Variants in LYRM4 observed in about 807,000 individuals in gnomAD.
LYRM4 encodes LYR motif-containing protein 4.
LYRM4 carries 9 observed loss-of-function variants against 11.7 expected under a neutral mutation model. The observed-to-expected ratio is 0.77, with a 90% confidence interval of 0.46 to 1.34. The LOEUF (loss-of-function observed/expected upper bound fraction) is 1.34, where lower values mean the gene tolerates loss of function less well. Among genes scored for constraint, LYRM4 ranks in the 40% most tolerant of loss-of-function variants. The pLI, the probability that LYRM4 is intolerant of heterozygous loss-of-function variation, is 0.00. For synonymous variants in LYRM4, 42 were observed against 40.4 expected (o/e 1.04, Z -0.15); for missense variants, 133 against 112.5 (o/e 1.18, Z -0.82).
At chr6:5,242,323 C>T (rs978832537) in intron 1 of LYRM4, among the ~76,000 whole-genome samples, 23 of 151,808 alleles carry the variant, frequency 1.5e-4, no homozygotes, top group Non-Finnish European at 2.9e-4. Context: ...CTGCCCGCCT[C>T]GGCCTCCCCA....
At chr6:5,147,298 G>C (rs1258718149) in intron 2 of LYRM4, among the ~76,000 whole-genome samples, 4 of 152,128 alleles carry the variant, frequency 2.6e-5, no homozygotes, top group Non-Finnish European at 5.9e-5. Context: ...GCAGTTTAAT[G>C]ACTCCAGGAA....
At chr6:5,197,412 G>A (rs1375852956) in intron 2 of LYRM4, among the ~76,000 whole-genome samples, 2 of 152,222 alleles carry the variant, frequency 1.3e-5, no homozygotes, top group South Asian at 2.1e-4. Context: ...GGTGGCTCAT[G>A]CCTGTAATCC....
the LYRM4 span, among the ~76,000 whole-genome samples, chr6:5,078,077 A>G: frequency 6.6e-6 from 1 of 152,262 alleles, no homozygotes; most frequent in East Asian, 1.9e-4. Flanking sequence ...TATGCAAATC[A>G]TGTTAAAGTC....
chr6:5,163,357 G>C (rs77235148), intron 2 of LYRM4, among the ~76,000 whole-genome samples: 2,487 of 152,234 alleles, frequency 0.016, 71 homozygotes, highest in African/African-American at 0.057. Context: ...GACATAATCA[G>C]GTGACTGTAT....
intron 1 of LYRM4, among the ~76,000 whole-genome samples, chr6:5,223,633 A>C (rs1396241585): frequency 6.6e-6 from 1 of 152,232 alleles, no homozygotes; most frequent in African/African-American, 2.4e-5. Flanking sequence ...CTCTGCTTCA[A>C]GTGTTCCTAT....
chr6:5,076,725 G>C, the LYRM4 span, among the ~76,000 whole-genome samples: 1 of 152,190 alleles, frequency 6.6e-6, no homozygotes, highest in Non-Finnish European at 1.5e-5. Flanking sequence ...TGAGGGTGGG[G>C]ATCATGGATG....
At chr6:5,085,194 G>A in the LYRM4 span, 3 of 417,892 alleles carry the variant, frequency 7.2e-6, no homozygotes, top group African/African-American at 6.3e-5. Flanking sequence ...CCCAGCGGCC[G>A]CGCCTCCCCG....
At chr6:5,169,437 C>A (rs182419367) in intron 2 of LYRM4, among the ~76,000 whole-genome samples, 1 of 152,120 alleles carries the variant, frequency 6.6e-6, no homozygotes, top group Non-Finnish European at 1.5e-5. Context: ...GGAATTACAA[C>A]GGGACTTTAA....
intron 2 of LYRM4, among the ~76,000 whole-genome samples, chr6:5,197,439 C>T (rs576590323): frequency 6.6e-5 from 10 of 151,706 alleles, no homozygotes; most frequent in Non-Finnish European, 1.5e-4. Flanking sequence ...TTTGGGAGGC[C>T]GAGGCCTGTG....
intron 2 of LYRM4, among the ~76,000 whole-genome samples, chr6:5,150,962 A>G (rs1028661655): frequency 8.5e-5 from 13 of 152,082 alleles, no homozygotes; most frequent in Admixed American, 1.3e-4. Context: ...TCAAGCCCCT[A>G]TCAGCTTATT....
At chr6:5,046,188 C>T in the LYRM4 span, among the ~76,000 whole-genome samples, 3 of 152,050 alleles carry the variant, frequency 2.0e-5, no homozygotes, top group South Asian at 2.1e-4. Flanking sequence ...ACTCCGTTTC[C>T]CACGCTGCAG....
downstream of LYRM4, chr6:5,103,628 A>ATTT (rs1491437052): frequency 3.0e-5 from 3 of 98,622 alleles, no homozygotes; most frequent in Admixed American, 1.3e-4. Context: ...AATATCTGAG[A>ATTT]TATTTTTTTT....
chr6:5,131,142 G>C (rs1295124816), intron 2 of LYRM4, among the ~76,000 whole-genome samples: 1 of 152,084 alleles, frequency 6.6e-6, no homozygotes, highest in Non-Finnish European at 1.5e-5. Flanking sequence ...ATTTGACAAG[G>C]CAGAATTGAG....
intron 2 of LYRM4, among the ~76,000 whole-genome samples, chr6:5,171,022 A>C (rs116535734): frequency 0.013 from 2,051 of 152,338 alleles, 39 homozygotes; most frequent in African/African-American, 0.044. Flanking sequence ...ATTAGGAAAT[A>C]ATAAAAGTAA....
intron 1 of LYRM4, 61 bp downstream of exon 1, chr6:5,260,587 C>A: frequency 7.7e-7 from 1 of 1,303,692 alleles, no homozygotes; most frequent in Non-Finnish European, 1.1e-6. Flanking sequence ...CGCGTCAGCC[C>A]GCACCCCCGG....
chr6:5,197,976 G>C (rs756911005), intron 2 of LYRM4, among the ~76,000 whole-genome samples: 36 of 152,174 alleles, frequency 2.4e-4, no homozygotes, highest in Non-Finnish European at 4.4e-4. Context: ...TGCAAGACCA[G>C]CCTGACCAAC....
chr6:5,205,289 C>G (rs987531626), intron 2 of LYRM4, among the ~76,000 whole-genome samples: 1 of 151,242 alleles, frequency 6.6e-6, no homozygotes, highest in Admixed American at 6.6e-5. Context: ...CACAAGTGCA[C>G]TGGGTGTGCT....
chr6:5,179,241 T>C (rs949345870), intron 2 of LYRM4, among the ~76,000 whole-genome samples: 2 of 152,208 alleles, frequency 1.3e-5, no homozygotes, highest in African/African-American at 2.4e-5. Flanking sequence ...TTTTAAAAAG[T>C]GTTTAATTAT....
At chr6:5,208,822 T>C (rs1761840595) in intron 2 of LYRM4, among the ~76,000 whole-genome samples, 2 of 152,198 alleles carry the variant, frequency 1.3e-5, no homozygotes, top group African/African-American at 2.4e-5. Flanking sequence ...ATATATTAAA[T>C]AGACTGAACA....
Sources: allele counts gnomAD v4.1 joint callset (sites outside exome capture counted in the v4.1 genomes callset), GRCh38; gene constraint gnomAD v4.1.1; transcripts MANE v1.5; gene names NCBI Gene and HGNC (gene_info 2026-07-23, HGNC 2026-07-21).